Variants in ERG observed in about 807,000 individuals in gnomAD.
ERG encodes the protein ETS transcription factor ERG, also known as transcriptional regulator ERG.
A neutral mutation model predicts 55.3 loss-of-function variants in ERG; 9 were observed. The observed-to-expected ratio is 0.16, with a 90% confidence interval of 0.10 to 0.28. The LOEUF (loss-of-function observed/expected upper bound fraction) is 0.28, where lower values mean the gene tolerates loss of function less well. Among genes scored for constraint, ERG ranks in the 10% least tolerant of loss-of-function variants. The pLI is 1.00. For synonymous variants in ERG, 223 were observed against 237.3 expected (o/e 0.94, Z 0.55); for missense variants, 434 against 631.6 (o/e 0.69, Z 3.35).
chr21:38,403,379 C>T (rs189883021), intron 4 of ERG, 127 bp downstream of exon 4: 3 of 872,630 alleles, frequency 3.4e-6, no homozygotes, highest in African/African-American at 3.3e-5. Flanking sequence ...GTGGCTCCCT[C>T]GGATCCCCAG....
chr21:38,464,687 G>T (rs1211022619), intron 1 of ERG, among the ~76,000 whole-genome samples: 1 of 151,854 alleles, frequency 6.6e-6, no homozygotes, highest in African/African-American at 2.4e-5. Flanking sequence ...TCTACATTAG[G>T]TATTTCTCCT....
chr21:38,471,054 G>C (rs1011804835), intron 1 of ERG: 1 of 152,178 alleles, frequency 6.6e-6, no homozygotes, highest in African/African-American at 2.4e-5. Context: ...TCACCACAGA[G>C]GTTGCCAGTG....
upstream of ERG, chr21:38,498,510 C>A (rs964891795): frequency 6.3e-6 from 9 of 1,438,198 alleles, no homozygotes; most frequent in Admixed American, 1.1e-4. The surrounding 1 kb of genome is among the most constrained non-coding windows in gnomAD (Gnocchi z 4.6). Flanking sequence ...ATGAAGTCAG[C>A]CAATGGCAGG....
At position 38,391,749 on chromosome 21, in the gene ERG, A is replaced by G. The variant is rs746534215; in HGVS notation, c.815-34T>C. 1.8e-5 allele frequency: 28 copies of G among 1,584,840 alleles called. No homozygotes were observed. The Admixed American group carries it at 4.7e-4, about 27-fold the overall frequency. ...CCAGAAATACAAAAGGCAATTAGCT[A>G]TAACAGATTTGGTCACTAGTCTTTG... is the stretch of plus-strand genomic sequence containing the variant. On this transcript the variant is annotated intron_variant, in intron 7 of 9. Transcript: ENST00000288319.
At chr21:38,465,817 G>A (rs908582148) in intron 1 of ERG, among the ~76,000 whole-genome samples, 8 of 152,150 alleles carry the variant, frequency 5.3e-5, no homozygotes, top group African/African-American at 9.7e-5. Context: ...TTGGTTCTCC[G>A]ATACTGAATA....
chr21:38,412,119 G>A (rs1462696644), intron 3 of ERG, among the ~76,000 whole-genome samples: 2 of 152,118 alleles, frequency 1.3e-5, no homozygotes, highest in Admixed American at 6.5e-5. Flanking sequence ...TGATTGTGGA[G>A]TATTTTTTAG....
intron 2 of ERG, among the ~76,000 whole-genome samples, chr21:38,442,843 T>C (rs891302380): frequency 6.6e-6 from 1 of 152,238 alleles, no homozygotes; most frequent in African/African-American, 2.4e-5. Flanking sequence ...AGTTTCTCTC[T>C]GTCGCCCAGG....
intron 2 of ERG, among the ~76,000 whole-genome samples, chr21:38,550,840 C>A (rs552127489): frequency 1.3e-4 from 19 of 151,802 alleles, no homozygotes; most frequent in East Asian, 1.9e-4. Context: ...GACACACACA[C>A]AAAAAAACAT....
chr21:38,374,330 G>A, the ERG span, among the ~76,000 whole-genome samples: 4 of 152,326 alleles, frequency 2.6e-5, no homozygotes, highest in South Asian at 2.1e-4. Context: ...AACAGTTGTC[G>A]ACCAGCTAGT....
intron 3 of ERG, among the ~76,000 whole-genome samples, chr21:38,412,287 T>C (rs1392383040): frequency 5.3e-5 from 8 of 152,226 alleles, no homozygotes; most frequent in Admixed American, 5.2e-4. Flanking sequence ...CAGATTGATC[T>C]ACTTTTCTTC....
chr21:38,658,988 GTAC>G (rs1332885309), intron 1 of ERG, among the ~76,000 whole-genome samples: 1 of 152,146 alleles, frequency 6.6e-6, no homozygotes, highest in African/African-American at 2.4e-5. Context: ...GTGAAATCAT[GTAC>G]TACAATTCTA....
intron 1 of ERG, among the ~76,000 whole-genome samples, chr21:38,456,105 AG>A (rs1191169421): frequency 6.6e-6 from 1 of 152,250 alleles, no homozygotes; most frequent in Non-Finnish European, 1.5e-5. Flanking sequence ...TTGTTTAACT[AG>A]TAACATCCTC....
At chr21:38,454,222 T>G (rs2105492) in intron 1 of ERG, among the ~76,000 whole-genome samples, 1 of 152,036 alleles carries the variant, frequency 6.6e-6, no homozygotes, top group African/African-American at 2.4e-5. Flanking sequence ...AATCACTCAG[T>G]GGAGGATGAA....
chr21:38,383,963 C>T lies in ERG; in HGVS notation c.920-40G>A, dbSNP rs762268130. On this transcript the variant is annotated intron_variant, in intron 9 of 9. Transcript: ENST00000288319. This position sits in a 1 kb window ranked among gnomAD's most constrained non-coding sequence, Gnocchi z 5.7. ...AGAGGAAGGAAAACTCCAGTGAGCA[C>T]AGGTTCCAGGGGAAAGAGGCTCTCT... 6.3e-7 allele frequency: 1 copy of T among 1,576,376 alleles called. No individual in the cohort carries two copies.
At chr21:38,534,392 T>C (rs1227512513) in intron 2 of ERG, among the ~76,000 whole-genome samples, 1 of 152,106 alleles carries the variant, frequency 6.6e-6, no homozygotes, top group Non-Finnish European at 1.5e-5. Flanking sequence ...AAGTCACACA[T>C]CAGAAGCTTC....
chr21:38,626,862 G>T (rs1238906877), intron 1 of ERG, among the ~76,000 whole-genome samples: 1 of 152,036 alleles, frequency 6.6e-6, no homozygotes, highest in Non-Finnish European at 1.5e-5. Flanking sequence ...TGACAAAGAA[G>T]TTGACATTGA....
intron 2 of ERG, among the ~76,000 whole-genome samples, chr21:38,559,102 C>A (rs2059876254): frequency 6.6e-6 from 1 of 152,152 alleles, no homozygotes; most frequent in Admixed American, 6.5e-5. Flanking sequence ...GAGCACCCAG[C>A]ATTGAAGCCA....
At chr21:38,513,917 A>G (rs1337831086) in intron 2 of ERG, among the ~76,000 whole-genome samples, 1 of 152,124 alleles carries the variant, frequency 6.6e-6, no homozygotes, top group Non-Finnish European at 1.5e-5. Context: ...GGGAAGGTTA[A>G]AATAACCAAA....
chr21:38,603,552 G>T (rs28637034), intron 1 of ERG, among the ~76,000 whole-genome samples: 8,487 of 152,086 alleles, frequency 0.056, 313 homozygotes, highest in Non-Finnish European at 0.079. Flanking sequence ...TTCCACCTGT[G>T]AAAAGAAGTG....
Sources: gnomAD v4.1 joint callset for allele counts (sites outside exome capture counted in the v4.1 genomes callset) on GRCh38, gnomAD v4.1.1 for gene constraint, Gnocchi (gnomAD v3.1) non-coding constraint, MANE v1.5 for transcripts, NCBI Gene and HGNC (gene_info 2026-07-23, HGNC 2026-07-21) for gene names.